ST3GAL2: variants seen among roughly 807,000 people sequenced by gnomAD.
ST3GAL2 encodes ST3 beta-galactoside alpha-2,3-sialyltransferase 2.
ST3GAL2 carries 16 observed loss-of-function variants against 37.5 expected under a neutral mutation model. That is an observed-to-expected ratio of 0.43 (90% CI 0.29 to 0.65). The LOEUF is 0.65. Ranked by LOEUF, ST3GAL2 falls within the 30% of genes least tolerant of loss-of-function variation. The probability of loss-of-function intolerance (pLI) is 0.17; values close to 1 mark genes in which losing one functional copy is unlikely to be tolerated. For synonymous variants in ST3GAL2, 238 were observed against 202.9 expected (o/e 1.17, Z -1.47); for missense variants, 383 against 487.8 (o/e 0.79, Z 2.02).
chr16:70,386,848 G>A (rs923217756), intron 4 of ST3GAL2, among the ~76,000 whole-genome samples: 1 of 152,148 alleles, frequency 6.6e-6, no homozygotes, highest in African/African-American at 2.4e-5. Flanking sequence ...GTTTCACCAT[G>A]TTGGCCAGGC....
At chr16:70,397,057 TTTGAGACGGAGTCTCAC>T (rs2047521780) in intron 2 of ST3GAL2, among the ~76,000 whole-genome samples, 1 of 150,232 alleles carries the variant, frequency 6.7e-6, no homozygotes, top group Non-Finnish European at 1.5e-5. Flanking sequence ...TTTTTTTTTT[TTTGAGACGGAGTCTCAC>T]TTTGTTGCCC....
At chr16:70,434,923 T>G (rs1165990041) in intron 1 of ST3GAL2, among the ~76,000 whole-genome samples, 1 of 152,180 alleles carries the variant, frequency 6.6e-6, no homozygotes, top group Non-Finnish European at 1.5e-5. Context: ...GGAAAATGCT[T>G]TGCAAAGCAC....
At chr16:70,421,859 A>G (rs1177541904) in intron 1 of ST3GAL2, among the ~76,000 whole-genome samples, 1 of 130,998 alleles carries the variant, frequency 7.6e-6, no homozygotes, top group Non-Finnish European at 1.5e-5. Context: ...AAGCCCTCAT[A>G]GGGCCATTGT....
chr16:70,401,441 G>A (rs1041454976), intron 1 of ST3GAL2, among the ~76,000 whole-genome samples: 1 of 152,164 alleles, frequency 6.6e-6, no homozygotes, highest in Non-Finnish European at 1.5e-5. Flanking sequence ...CCTTGCTTTG[G>A]GAACCCCAGG....
chr16:70,430,176 G>T (rs949854662), intron 1 of ST3GAL2, among the ~76,000 whole-genome samples: 3 of 152,254 alleles, frequency 2.0e-5, no homozygotes, highest in Admixed American at 1.3e-4. Context: ...CACTTTGTCT[G>T]CACAGCATTA....
chr16:70,376,748 CT>C lies in ST3GAL2; in HGVS notation c.*4940del, dbSNP rs111533092. On this transcript the variant is annotated 3_prime_UTR_variant, in exon 7 of 7. Coordinates refer to ENST00000342907, the MANE Select transcript of ST3GAL2 (RefSeq NM_006927.4). ...CTGCTGCCTGTGGATGGGTAAAATACTTTTTTTTTTTTGAGACGGAGTCTTA... is the reference window on the plus strand; with the variant it reads ...CTGCTGCCTGTGGATGGGTAAAATACTTTTTTTTTTTGAGACGGAGTCTTA... 3.1e-4 allele frequency: 45 copies of C among 146,648 alleles called. No individual in the cohort carries two copies. Among genetic ancestry groups the C allele is most frequent in the East Asian group, 5.9e-4 (3 of 5,092 alleles). 9.1% of individuals were successfully genotyped at this position (146,648 alleles called of 1,614,324 possible). A position where few individuals can be genotyped will look rare whatever the true frequency, so the allele number is the denominator to read the frequency against.
intron 5 of ST3GAL2, 33 bp from the exon 6 acceptor site, chr16:70,382,957 G>GTA: frequency 6.2e-7 from 1 of 1,607,756 alleles, no homozygotes; most frequent in Non-Finnish European, 8.5e-7. Context: ...GTATATGAGG[G>GTA]GTTTAGGGGC....
rs1238911050 is a variant in ST3GAL2, at chr16:70,376,311, C to A, written c.*5378G>T. The stretch of plus-strand genomic sequence containing the variant: ...CATTTTATAGCAAGGCCGGATGGAA[C>A]TGGGCGCCCTGAGTGCAGATGCCAT... On this transcript the variant is annotated 3_prime_UTR_variant, in exon 7 of 7. Coordinates refer to ENST00000342907, the MANE Select transcript of ST3GAL2 (RefSeq NM_006927.4). 2 of 152,264 alleles carry A rather than the reference C, an allele frequency of 1.3e-5. No homozygotes were observed. Among genetic ancestry groups the A allele is most frequent in the Non-Finnish European group, 2.9e-5 (2 of 68,062 alleles). 9.4% of individuals were successfully genotyped at this position (152,264 alleles called of 1,614,324 possible). A position where few individuals can be genotyped will look rare whatever the true frequency, so the allele number is the denominator to read the frequency against.
At chr16:70,420,243 C>G (rs938527155) in intron 1 of ST3GAL2, among the ~76,000 whole-genome samples, 14 of 151,956 alleles carry the variant, frequency 9.2e-5, no homozygotes, top group Non-Finnish European at 1.6e-4. Context: ...TGGAGAAAGC[C>G]TTTTGTATGG....
At chr16:70,411,642 T>G (rs550115830) in intron 1 of ST3GAL2, among the ~76,000 whole-genome samples, 1 of 152,306 alleles carries the variant, frequency 6.6e-6, no homozygotes, top group East Asian at 1.9e-4. Context: ...ACTAATCCAG[T>G]GTTTTCCAGT....
intron 1 of ST3GAL2, among the ~76,000 whole-genome samples, chr16:70,427,224 A>G (rs778379398): frequency 6.6e-6 from 1 of 152,158 alleles, no homozygotes; most frequent in East Asian, 1.9e-4. Context: ...TCTGGATGCT[A>G]TCCTTTAGAC....
chr16:70,380,563 T>C lies in ST3GAL2; in HGVS notation c.*1126A>G, dbSNP rs1227351620. ...TTCCCAGCCCTTCTAGAGCGGGAGA[T>C]GGAGAGCAGGGTGGAGGCAGGCGGC... On this transcript the variant is annotated 3_prime_UTR_variant, in exon 7 of 7. Transcript: ENST00000342907. 6.6e-6 allele frequency: 1 copy of C among 152,342 alleles called. No individual in the cohort carries two copies. Among genetic ancestry groups the C allele is most frequent in the African/African-American group, 2.4e-5 (1 of 41,550 alleles). 9.4% of individuals were successfully genotyped at this position (152,342 alleles called of 1,614,324 possible).
At chr16:70,392,401 G>A (rs903438533) in intron 3 of ST3GAL2, among the ~76,000 whole-genome samples, 23 of 152,170 alleles carry the variant, frequency 1.5e-4, no homozygotes, top group Admixed American at 1.4e-3. Flanking sequence ...TCTGTCCTTG[G>A]CTGCCTCCAG....
At chr16:70,397,907 C>G (rs1469471135) in intron 2 of ST3GAL2, among the ~76,000 whole-genome samples, 1 of 152,172 alleles carries the variant, frequency 6.6e-6, no homozygotes, top group African/African-American at 2.4e-5. Flanking sequence ...CTGGGGCAGG[C>G]CCCCCATGGC....
intron 1 of ST3GAL2, among the ~76,000 whole-genome samples, chr16:70,408,396 C>A (rs922688179): frequency 6.8e-6 from 1 of 148,032 alleles, no homozygotes; most frequent in Non-Finnish European, 1.5e-5. Context: ...GCAGAAGGAG[C>A]TGGGGCGGAG....
chr16:70,427,583 C>A (rs376626726), intron 1 of ST3GAL2, among the ~76,000 whole-genome samples: 4 of 151,788 alleles, frequency 2.6e-5, no homozygotes, highest in Non-Finnish European at 5.9e-5. Flanking sequence ...GTGATCCGCC[C>A]GCCTCAGCCT....
rs546786072 is a variant in ST3GAL2, at chr16:70,377,217, C to T, written c.*4472G>A. On this transcript the variant is annotated 3_prime_UTR_variant, in exon 7 of 7. Transcript: ENST00000342907. ...AAAAAAAAAAAAGGGTCTGGTGGCT[C>T]ACGCCTGTAATCCTACCATTTGGGA... is the stretch of plus-strand genomic sequence containing the variant. 4 of 144,938 alleles carry T rather than the reference C, an allele frequency of 2.8e-5. No homozygotes were observed. The highest frequency in any genetic ancestry group is 2.1e-4 in the Admixed American group (3 of 14,518). The allele number at this position is 144,938 out of a possible 1,614,324, so 9.0% of individuals were successfully genotyped here.
At chr16:70,435,552 C>T (rs1016915586) in intron 1 of ST3GAL2, among the ~76,000 whole-genome samples, 10 of 152,082 alleles carry the variant, frequency 6.6e-5, no homozygotes, top group Middle Eastern at 3.4e-3. Flanking sequence ...GAGCCGACAT[C>T]GTGCCATTGC....
At chr16:70,382,675 A>T (rs1362748584) in intron 6 of ST3GAL2, 130 bp downstream of exon 6, 2 of 1,387,884 alleles carry the variant, frequency 1.4e-6, no homozygotes, top group African/African-American at 2.9e-5. Flanking sequence ...CAGCCTAGAG[A>T]TGGGGGAAAC....
Sources: allele counts gnomAD v4.1 joint callset (sites outside exome capture counted in the v4.1 genomes callset), GRCh38; gene constraint gnomAD v4.1.1; transcripts MANE v1.5; gene names NCBI Gene and HGNC (gene_info 2026-07-23, HGNC 2026-07-21).